The following TAFA1 variants were observed in gnomAD, a reference collection of about 807,000 sequenced individuals.
TAFA1 encodes the protein TAFA chemokine like family member 1.
In TAFA1, 4 loss-of-function variants were observed where a neutral mutation model predicts 18.5. That is an observed-to-expected ratio of 0.22 (90% CI 0.11 to 0.49). The LOEUF (loss-of-function observed/expected upper bound fraction) is 0.49, where lower values mean the gene tolerates loss of function less well. Among genes scored for constraint, TAFA1 ranks in the 20% least tolerant of loss-of-function variants. The probability of loss-of-function intolerance (pLI) is 0.98; values close to 1 mark genes in which losing one functional copy is unlikely to be tolerated. For synonymous variants in TAFA1, 56 were observed against 55.2 expected (o/e 1.01, Z -0.06); for missense variants, 147 against 169.0 (o/e 0.87, Z 0.72).
intron 3 of TAFA1, among the ~76,000 whole-genome samples, chr3:68,425,885 C>T (rs1293676757): frequency 1.3e-5 from 2 of 151,772 alleles, no homozygotes; most frequent in Non-Finnish European, 2.9e-5. Flanking sequence ...TTAAATGGGA[C>T]ACTCCAGTTT....
chr3:68,325,420 CAG>C (rs756580146), intron 2 of TAFA1, among the ~76,000 whole-genome samples: 19 of 152,150 alleles, frequency 1.2e-4, no homozygotes, highest in Non-Finnish European at 2.6e-4. Context: ...ATCTACATTT[CAG>C]AGTGTTGTGA....
chr3:68,008,460 A>C (rs1206642704), intron 2 of TAFA1, among the ~76,000 whole-genome samples: 3 of 152,214 alleles, frequency 2.0e-5, no homozygotes, highest in Non-Finnish European at 4.4e-5. Context: ...TCTGAGGATT[A>C]GTTCACACTG....
chr3:68,091,893 T>C (rs887728059), intron 2 of TAFA1, among the ~76,000 whole-genome samples: 1 of 152,170 alleles, frequency 6.6e-6, no homozygotes, highest in Non-Finnish European at 1.5e-5. Context: ...GTATCTCCTA[T>C]AACAGTTTGA....
At chr3:68,134,028 G>T (rs1256345415) in intron 2 of TAFA1, among the ~76,000 whole-genome samples, 3 of 137,968 alleles carry the variant, frequency 2.2e-5, no homozygotes, top group African/African-American at 8.1e-5. Context: ...TCAGAGTAGA[G>T]ATAGGATTCA....
At chr3:68,063,339 C>T (rs987535327) in intron 2 of TAFA1, among the ~76,000 whole-genome samples, 2 of 152,054 alleles carry the variant, frequency 1.3e-5, no homozygotes, top group Admixed American at 6.6e-5. Context: ...TCTTAGAGAA[C>T]GTTTTAAATA....
intron 2 of TAFA1, among the ~76,000 whole-genome samples, chr3:68,117,758 A>T (rs1484649955): frequency 2.0e-5 from 3 of 152,188 alleles, no homozygotes; most frequent in African/African-American, 4.8e-5. Context: ...TGTCTTAAAA[A>T]TTTTCATCAA....
chr3:68,314,978 A>C (rs988953183), intron 2 of TAFA1, among the ~76,000 whole-genome samples: 1 of 147,112 alleles, frequency 6.8e-6, no homozygotes, highest in Admixed American at 6.8e-5. Context: ...GAAAAAGAAA[A>C]TATATTAAGA....
intron 2 of TAFA1, among the ~76,000 whole-genome samples, chr3:68,324,863 G>C (rs2068752552): frequency 6.6e-6 from 1 of 152,192 alleles, no homozygotes; most frequent in Non-Finnish European, 1.5e-5. Context: ...AGGCAGGAAA[G>C]GGATGATTTG....
At chr3:68,070,020 T>G (rs1168884192) in intron 2 of TAFA1, among the ~76,000 whole-genome samples, 19 of 152,178 alleles carry the variant, frequency 1.2e-4, no homozygotes, top group Admixed American at 6.5e-5. Flanking sequence ...AAGGTGTCAG[T>G]GGCTCTACCA....
At chr3:68,480,085 T>C (rs967423911) in intron 3 of TAFA1, among the ~76,000 whole-genome samples, 3 of 152,028 alleles carry the variant, frequency 2.0e-5, no homozygotes, top group Non-Finnish European at 2.9e-5. Context: ...TGTGGAAACT[T>C]TTTAGAAATA....
At chr3:67,993,797 G>A in the TAFA1 span, among the ~76,000 whole-genome samples, 1 of 152,134 alleles carries the variant, frequency 6.6e-6, no homozygotes, top group Non-Finnish European at 1.5e-5. Context: ...ATAAGATTGT[G>A]TAAGAGGAGG....
chr3:68,472,523 C>T (rs1409916985), intron 3 of TAFA1, among the ~76,000 whole-genome samples: 1 of 151,932 alleles, frequency 6.6e-6, no homozygotes, highest in East Asian at 1.9e-4. Context: ...CACACACACA[C>T]ACACACACAC....
At chr3:68,339,939 C>T (rs1028278132) in intron 2 of TAFA1, among the ~76,000 whole-genome samples, 1 of 152,204 alleles carries the variant, frequency 6.6e-6, no homozygotes, top group Non-Finnish European at 1.5e-5. Context: ...AGCTATGAGA[C>T]AGCTCCCACA....
At chr3:68,232,363 A>G (rs2066882251) in intron 2 of TAFA1, among the ~76,000 whole-genome samples, 1 of 152,202 alleles carries the variant, frequency 6.6e-6, no homozygotes, top group African/African-American at 2.4e-5. Flanking sequence ...AATGTCCTCC[A>G]GGCTCATATT....
chr3:68,516,872 C>T (rs976416229), intron 3 of TAFA1, among the ~76,000 whole-genome samples: 1 of 152,060 alleles, frequency 6.6e-6, no homozygotes, highest in Non-Finnish European at 1.5e-5. Context: ...GTCCTGGGTT[C>T]AAGCCATTCT....
intron 2 of TAFA1, among the ~76,000 whole-genome samples, chr3:68,149,994 T>A (rs2065786262): frequency 6.6e-6 from 1 of 152,230 alleles, no homozygotes; most frequent in Non-Finnish European, 1.5e-5. Context: ...TCATTTGAGA[T>A]ACTGCATAGG....
chr3:68,367,525 A>G (rs1212408932), intron 2 of TAFA1, among the ~76,000 whole-genome samples: 1 of 152,182 alleles, frequency 6.6e-6, no homozygotes, highest in Non-Finnish European at 1.5e-5. Flanking sequence ...CATGTCAAGA[A>G]CCACACAAGT....
chr3:68,370,367 CAT>C (rs1216266897), intron 2 of TAFA1, among the ~76,000 whole-genome samples: 869 of 56,638 alleles, frequency 0.015, 58 homozygotes, highest in African/African-American at 0.059. Context: ...CACACACACA[CAT>C]ATATATATAC....
At chr3:68,451,016 G>T (rs1474882032) in intron 3 of TAFA1, among the ~76,000 whole-genome samples, 1 of 152,140 alleles carries the variant, frequency 6.6e-6, no homozygotes, top group Non-Finnish European at 1.5e-5. Context: ...ATAAGTGATG[G>T]AATTAAAGTT....
Sources: allele counts gnomAD v4.1 joint callset (sites outside exome capture counted in the v4.1 genomes callset), GRCh38; gene constraint gnomAD v4.1.1; transcripts MANE v1.5; gene names NCBI Gene and HGNC (gene_info 2026-07-23, HGNC 2026-07-21).